Variants in DOP1B observed in about 807,000 individuals in gnomAD.
DOP1B encodes protein DOP1B.
Under a neutral mutation model 233.5 loss-of-function variants are expected in DOP1B, and 174 were observed. That is an observed-to-expected ratio of 0.75 (90% CI 0.66 to 0.85). The LOEUF is 0.85. Among genes scored for constraint, DOP1B ranks in the 40% least tolerant of loss-of-function variants. DOP1B has a pLI of 0.00. For missense variants in DOP1B, 2,652 were observed against 2,846.6 expected (o/e 0.93, Z 1.56); for synonymous variants, 1,190 against 1,185.6 (o/e 1.00, Z -0.08).
chr21:36,218,132 G>A (rs1259175969), intron 9 of DOP1B, among the ~76,000 whole-genome samples: 1 of 152,210 alleles, frequency 6.6e-6, no homozygotes, highest in African/African-American at 2.4e-5. Flanking sequence ...ACTTTTTGTG[G>A]CTGGGCTTTA....
At chr21:36,239,538 T>C (rs1051721792) in intron 17 of DOP1B, among the ~76,000 whole-genome samples, 1 of 152,116 alleles carries the variant, frequency 6.6e-6, no homozygotes, top group Non-Finnish European at 1.5e-5. Flanking sequence ...TATAACCCAT[T>C]TGGGGTGAGG....
In DOP1B at chr21:36,248,555, T is replaced by C. The variant is rs1453948344; in HGVS notation, c.4985T>C (p.Phe1662Ser). 3.1e-6 allele frequency: 5 copies of C among 1,607,008 alleles called. No homozygotes were observed. The East Asian group carries it at 6.7e-5, about 22-fold the overall frequency. Reference protein sequence around the residue: ...GATKGSSSVYFKTTKTIRQKI... With the variant: ...GATKGSSSVYSKTTKTIRQKI... ...ACGAAGGGATCCTCTTCCGTTTACT[T>C]TAAAACCACCAAAGTAAGAGGATGT... The change falls in exon 21 of 37, where the codon TTT becomes TCT. Residue 1662 changes from phenylalanine to serine, a missense_variant. Phe to Ser is a radical substitution (Grantham distance 155). Coordinates refer to ENST00000691173, the MANE Select transcript of DOP1B (RefSeq NM_001320714.2).
chr21:36,213,875 C>G (rs1484903267), intron 7 of DOP1B, among the ~76,000 whole-genome samples: 2 of 152,032 alleles, frequency 1.3e-5, no homozygotes, highest in African/African-American at 2.4e-5. Context: ...TAAATTGATA[C>G]CCATTGAGGT....
Position 36,247,622 on chromosome 21 carries a change from C to G in DOP1B, c.4803C>G (p.Asn1601Lys). Residue 1601 changes from asparagine to lysine, a missense_variant, in exon 20 of 37, where the codon AAC becomes AAG. Asn to Lys is a moderately conservative substitution (Grantham distance 94). Around this residue, in one of 3 missense-constraint regions of DOP1B, gnomAD observed 2,617 missense variants for 2,794.3 expected, o/e 0.94. Coordinates refer to ENST00000691173, the MANE Select transcript of DOP1B (RefSeq NM_001320714.2). Reference protein sequence around the residue: ...HFCLLEQANQNKKTMAAGDPA... With the variant: ...HFCLLEQANQKKKTMAAGDPA... ...GTCTTTTGGAACAAGCCAACCAAAA[C>G]AAAAAGGTAAATTTTTTTTTTTCCT... 6.4e-7 allele frequency: 1 copy of G among 1,553,008 alleles called. No homozygotes were observed. The highest frequency in any genetic ancestry group is 8.6e-7 in the Non-Finnish European group (1 of 1,164,436).
In DOP1B at chr21:36,227,363, C is replaced by T. The variant is rs139140368; in HGVS notation, c.1474-323C>T. On this transcript the variant is annotated intron_variant, in intron 12 of 36. Transcript: ENST00000691173. Reference sequence around the variant, plus strand: ...GAGATCGAGACCATCCTGGCTAACACGGTGAAACCCCATCTCTACTAAACA... The same window carrying T: ...GAGATCGAGACCATCCTGGCTAACATGGTGAAACCCCATCTCTACTAAACA... Among the ~76,000 whole-genome samples the T allele has an allele frequency of 2.6e-3, 399 of 151,504 alleles. 2 individuals are homozygous for T. The highest frequency in any genetic ancestry group is 4.1e-3 in the African/African-American group (168 of 41,330).
At chr21:36,210,032 C>T (rs1443726166) in intron 5 of DOP1B, among the ~76,000 whole-genome samples, 2 of 152,116 alleles carry the variant, frequency 1.3e-5, no homozygotes, top group Non-Finnish European at 2.9e-5. Flanking sequence ...CCGATGAACA[C>T]GTCCCTTTCC....
At position 36,278,322 on chromosome 21, in the gene DOP1B, C is replaced by T. The variant is rs948188914; in HGVS notation, c.5936C>T (p.Pro1979Leu). 3.1e-6 allele frequency: 5 copies of T among 1,613,884 alleles called. No homozygotes were observed. The highest frequency in any genetic ancestry group is 1.6e-4 in the Middle Eastern group (1 of 6,062). Residue 1979 changes from proline to leucine, a missense_variant, in exon 30 of 37, where the codon CCC becomes CTC. Pro to Leu is a moderately conservative substitution (Grantham distance 98). Around this residue, in one of 3 missense-constraint regions of DOP1B, gnomAD observed 2,617 missense variants for 2,794.3 expected, o/e 0.94. Coordinates refer to ENST00000691173, the MANE Select transcript of DOP1B (RefSeq NM_001320714.2). ...GAGGTCCTGGAGCTGTTTCTCGACC[C>T]CGCTTTCTTTCAGATGGATACTTCC... ...RKEVLELFLD[P>L]AFFQMDTSCV...
chr21:36,212,407 T>G (rs190481618), intron 7 of DOP1B, among the ~76,000 whole-genome samples: 79 of 152,366 alleles, frequency 5.2e-4, no homozygotes, highest in Non-Finnish European at 5.9e-4. Context: ...AGAAGCCTGT[T>G]GCTATGGAGA....
intron 28 of DOP1B, among the ~76,000 whole-genome samples, chr21:36,277,391 C>T (rs1299127932): frequency 7.3e-5 from 11 of 150,526 alleles, no homozygotes; most frequent in African/African-American, 2.2e-4. Flanking sequence ...CAAGCGATTC[C>T]GCTGCCTCAG....
chr21:36,163,930 C>T (rs896338979), intron 1 of DOP1B, among the ~76,000 whole-genome samples: 1 of 152,176 alleles, frequency 6.6e-6, no homozygotes, highest in African/African-American at 2.4e-5. Flanking sequence ...TGCCTTTGTT[C>T]TAGGCAGAAA....
In DOP1B at chr21:36,245,165, T is replaced by A; in HGVS notation, c.3185T>A (p.Val1062Glu). 6.2e-7 allele frequency: 1 copy of A among 1,613,984 alleles called. No homozygotes were observed. The highest frequency in any genetic ancestry group is 8.5e-7 in the Non-Finnish European group (1 of 1,180,030). Reference protein sequence around the residue: ...EHLPLSQFTTVDREAIWAEVE... With the variant: ...EHLPLSQFTTEDREAIWAEVE... ...CTGCCTCTGAGCCAGTTCACCACAGTGGACCGTGAAGCCATTTGGGCCGAA... is the reference window on the plus strand; with the variant it reads ...CTGCCTCTGAGCCAGTTCACCACAGAGGACCGTGAAGCCATTTGGGCCGAA... The change falls in exon 19 of 37, where the codon GTG becomes GAG. Residue 1062 changes from valine to glutamate, a missense_variant. Physicochemically the swap from Val to Glu is moderately radical, Grantham distance 121 (BLOSUM62 -2). Coordinates refer to ENST00000691173, the MANE Select transcript of DOP1B (RefSeq NM_001320714.2). This position sits in a 1 kb window ranked among gnomAD's most constrained non-coding sequence, Gnocchi z 5.5.
chr21:36,195,668 A>G (rs2066283100), intron 2 of DOP1B, among the ~76,000 whole-genome samples: 2 of 152,248 alleles, frequency 1.3e-5, no homozygotes, highest in South Asian at 4.1e-4. Context: ...GAGGTAACAC[A>G]TGTAAATGAG....
rs1281881633 is a variant in DOP1B, at chr21:36,253,858, C to T, written c.5208C>T (p.His1736=). 1.2e-6 allele frequency: 2 copies of T among 1,613,984 alleles called. No individual in the cohort carries two copies. Among genetic ancestry groups the T allele is most frequent in the Non-Finnish European group, 1.7e-6 (2 of 1,179,984 alleles). ...CCCTGCAGACTGACACGCTGCTGCACCTGGTGAAGGAGGTGGTGAAGAGGC... is the reference window on the plus strand; with the variant it reads ...CCCTGCAGACTGACACGCTGCTGCATCTGGTGAAGGAGGTGGTGAAGAGGC... ...LSTLQTDTLL[H]LVKEVVKRPP... Residue 1736 remains histidine, a synonymous_variant, in exon 23 of 37, where the codon CAC becomes CAT. Transcript: ENST00000691173.
At chr21:36,223,663 C>G (rs2066651017) in intron 11 of DOP1B, among the ~76,000 whole-genome samples, 2 of 152,142 alleles carry the variant, frequency 1.3e-5, no homozygotes. Flanking sequence ...TCCTGGCTGC[C>G]CGATCTATTG....
intron 5 of DOP1B, among the ~76,000 whole-genome samples, chr21:36,209,494 G>A (rs1006990485): frequency 2.0e-5 from 3 of 152,170 alleles, no homozygotes; most frequent in African/African-American, 7.2e-5. Flanking sequence ...GCGCTCAGAC[G>A]GCCTCTGCAC....
chr21:36,184,191 GAT>G, intron 2 of DOP1B, among the ~76,000 whole-genome samples: 1 of 152,094 alleles, frequency 6.6e-6, no homozygotes, highest in Admixed American at 6.5e-5. Flanking sequence ...TGGGATTACA[GAT>G]GTGCACCACC....
intron 1 of DOP1B, among the ~76,000 whole-genome samples, chr21:36,157,666 G>A (rs1364637367): frequency 1.3e-5 from 2 of 152,178 alleles, no homozygotes; most frequent in Non-Finnish European, 2.9e-5. Context: ...ATTTTTTCCA[G>A]TACAATTTAA....
chr21:36,223,885 A>G (rs1002913763), intron 11 of DOP1B, among the ~76,000 whole-genome samples: 1 of 152,016 alleles, frequency 6.6e-6, no homozygotes, highest in Non-Finnish European at 1.5e-5. Context: ...GCCCTTTCCC[A>G]TGCCATTTTC....
At position 36,195,398 on chromosome 21, in the gene DOP1B, G is replaced by T. The variant is rs950803213; in HGVS notation, c.139-3672G>T. Among the ~76,000 whole-genome samples, 4 of 151,754 alleles carry T rather than the reference G, an allele frequency of 2.6e-5. No homozygotes were observed. The East Asian group carries it at 5.8e-4, about 22-fold the overall frequency. On this transcript the variant is annotated intron_variant, in intron 2 of 36. Coordinates refer to ENST00000691173, the MANE Select transcript of DOP1B (RefSeq NM_001320714.2). ...ACAAAAAAAAAATCAGCAGGGTGTG[G>T]TGGTGCACGCCTATAACCCTGGCTA...
Sources: gnomAD v4.1 joint callset for allele counts (sites outside exome capture counted in the v4.1 genomes callset) on GRCh38, gnomAD v4.1.1 for gene constraint, gnomAD v4.1.1 regional missense constraint, Gnocchi (gnomAD v3.1) non-coding constraint, MANE v1.5 for transcripts, NCBI Gene and HGNC (gene_info 2026-07-23, HGNC 2026-07-21) for gene names.